Variants in EEF1D observed in about 807,000 individuals in gnomAD.
EEF1D encodes eukaryotic translation elongation factor 1 delta.
EEF1D carries 47 observed loss-of-function variants against 63.9 expected under a neutral mutation model. The ratio of observed to expected loss-of-function variants is 0.74; its 90% CI spans 0.58 to 0.94. The LOEUF (loss-of-function observed/expected upper bound fraction) is 0.94. EEF1D is among the 40% of genes least tolerant of loss of function. The pLI is 0.00. For synonymous variants in EEF1D, 412 were observed against 386.1 expected (o/e 1.07, Z -0.79); for missense variants, 907 against 899.0 (o/e 1.01, Z -0.11).
Position 143,589,844 on chromosome 8 carries a change from T to C in EEF1D, c.238A>G (p.Ser80Gly), listed in dbSNP as rs992012907. The stretch of plus-strand genomic sequence containing the variant: ...CTCTTTTTCTGCAGGGGCTTCCTGC[T>C]GTCCTGGCTCTTCCTGGGATCACGC... The part of the protein sequence containing the change: ...SRRDPRKSQD[S>G]RKPLQKKRKR... Residue 80 changes from serine to glycine, a missense_variant, in exon 3 of 10, where the codon AGC (serine) becomes GGC (glycine). By Grantham distance (56) the Ser-to-Gly change is moderately conservative. Transcript: ENST00000618139. The C allele has an allele frequency of 2.5e-6, 4 of 1,604,060 alleles. No individual in the cohort carries two copies. The African/African-American group carries it at 4.0e-5, about 16-fold the overall frequency.
Position 143,589,207 on chromosome 8 carries a change from C to G in EEF1D, c.875G>C (p.Arg292Pro). Residue 292 changes from arginine to proline, a missense_variant, in exon 3 of 10, where the codon CGA becomes CCA. Physicochemically the swap from Arg to Pro is moderately radical, Grantham distance 103 (BLOSUM62 -2). Coordinates refer to ENST00000618139, the MANE Select transcript of EEF1D (RefSeq NM_001130053.5). ...NILGNKRAGL[R>P]RADGEAPSAL... is the part of the protein sequence containing the mutation. ...AGAGGGGGCCTCCCCATCGGCCCGT[C>G]GCAGCCCGGCCCGCTTGTTCCCTAA... is the stretch of plus-strand genomic sequence containing the variant. The G allele has an allele frequency of 6.3e-7, 1 of 1,587,266 alleles. No individual in the cohort carries two copies. Among genetic ancestry groups the G allele is most frequent in the Non-Finnish European group, 8.6e-7 (1 of 1,165,508 alleles).
chr8:143,595,759 C>T (rs747801720), intron 1 of EEF1D, among the ~76,000 whole-genome samples: 38 of 152,216 alleles, frequency 2.5e-4, no homozygotes, highest in South Asian at 6.2e-4. Flanking sequence ...CCTGCCTGCC[C>T]GGCGCAGCCC....
At chr8:143,586,359 C>A in intron 4 of EEF1D, 69 bp from the exon 5 acceptor site, 2 of 1,362,068 alleles carry the variant, frequency 1.5e-6, no homozygotes, top group Admixed American at 5.3e-5. Flanking sequence ...AAAAACAAAC[C>A]AAAAAACCCC....
At position 143,586,654 on chromosome 8, in the gene EEF1D, T is replaced by C. The variant is rs1332951257; in HGVS notation, c.1215+75A>G. 4.4e-6 allele frequency: 7 copies of C among 1,573,432 alleles called. No individual in the cohort carries two copies. In the African/African-American group the frequency reaches 6.7e-5, roughly 15 times the overall value. ...GGTGCCTCTGCCTTCCTGGCCTGGC[T>C]GAATCCGCTTTGTGTGCCCCGGCCA... On this transcript the variant is annotated intron_variant, in intron 4 of 9. Coordinates refer to ENST00000618139, the MANE Select transcript of EEF1D (RefSeq NM_001130053.5).
intron 1 of EEF1D, chr8:143,596,306 C>T (rs999777549): frequency 6.6e-6 from 1 of 152,272 alleles, no homozygotes; most frequent in Non-Finnish European, 1.5e-5. Context: ...GGTCTAGGAG[C>T]CTGGCTGGGC....
At chr8:143,595,102 ACT>A (rs1397174159) in intron 1 of EEF1D, among the ~76,000 whole-genome samples, 1 of 149,092 alleles carries the variant, frequency 6.7e-6, no homozygotes, top group African/African-American at 2.5e-5. Context: ...ACGGAGCCTC[ACT>A]CTGTCACCAG....
chr8:143,579,861 C>T, intron 9 of EEF1D, 31 bp from the exon 10 acceptor site: 1 of 1,545,860 alleles, frequency 6.5e-7, no homozygotes, highest in Non-Finnish European at 8.7e-7. Context: ...ACGGTCAGGG[C>T]TGTTCCCCTA....
In EEF1D at chr8:143,586,308, A is replaced by C; in HGVS notation, c.1216-18T>G. 1 of 1,534,572 alleles carries C rather than the reference A, an allele frequency of 6.5e-7. No homozygotes were observed. Among genetic ancestry groups the C allele is most frequent in the Non-Finnish European group, 8.7e-7 (1 of 1,146,718 alleles). On this transcript the variant is annotated intron_variant, in intron 4 of 9. Transcript: ENST00000618139. ...CCGTTCTCCTGCAGACAGTGCAGAAAGAACCAGTCTTTTTTTTATTATTAA... is the reference window on the plus strand; with the variant it reads ...CCGTTCTCCTGCAGACAGTGCAGAACGAACCAGTCTTTTTTTTATTATTAA...
chr8:143,584,764 G>A (rs114307626), intron 5 of EEF1D, among the ~76,000 whole-genome samples: 1,864 of 151,868 alleles, frequency 0.012, 51 homozygotes, highest in African/African-American at 0.043. Flanking sequence ...AAATGACAGC[G>A]GGGGGGACCA....
chr8:143,589,757 C>T lies in EEF1D; in HGVS notation c.325G>A (p.Glu109Lys), dbSNP rs762445559. ...ADLALLGLSA[E>K]RVWLDKSLFD... Reference sequence around the variant, plus strand: ...AGTGACTTGTCCAGCCACACGCGTTCGGCCGAGAGGCCCAGGAGGGCCAGG... The same window carrying T: ...AGTGACTTGTCCAGCCACACGCGTTTGGCCGAGAGGCCCAGGAGGGCCAGG... Residue 109 changes from glutamate to lysine, a missense_variant, in exon 3 of 10, where the codon GAA becomes AAA. By Grantham distance (56) the Glu-to-Lys change is moderately conservative. Transcript: ENST00000618139. The T allele has an allele frequency of 5.2e-6, 8 of 1,534,830 alleles. No homozygotes were observed. Among genetic ancestry groups the T allele is most frequent in the South Asian group, 3.8e-5 (3 of 78,916 alleles).
At position 143,589,735 on chromosome 8, in the gene EEF1D, G is replaced by A. The variant is rs35331982; in HGVS notation, c.347C>T (p.Ser116Leu). 5.4e-3 allele frequency: 8,192 copies of A among 1,524,518 alleles called. 358 individuals are homozygous for A. The African/African-American group carries it at 0.1, about 19-fold the overall frequency. 94.4% of individuals were successfully genotyped at this position (1,524,518 alleles called of 1,614,324 possible). A position where few individuals can be genotyped will look rare whatever the true frequency, so the allele number is the denominator to read the frequency against. ...LSAERVWLDK[S>L]LFDQAESSYR... ...GGAGCTCTCTGCCTGGTCGAAAAGT[G>A]ACTTGTCCAGCCACACGCGTTCGGC... is the stretch of plus-strand genomic sequence containing the variant. Residue 116 changes from serine to leucine, a missense_variant, in exon 3 of 10, where the codon TCA becomes TTA. Transcript: ENST00000618139.
Position 143,589,307 on chromosome 8 carries a change from C to T in EEF1D, c.775G>A (p.Val259Met), listed in dbSNP as rs1189432996. The T allele has an allele frequency of 1.3e-6, 2 of 1,587,904 alleles. No homozygotes were observed. The highest frequency in any genetic ancestry group is 2.3e-5 in the East Asian group (1 of 43,516). ...AGGCCGGCTCGCTCTTGCAGGCGCACCTTCCCTGGGGGATGGCCGTCAAAC... is the reference window on the plus strand; with the variant it reads ...AGGCCGGCTCGCTCTTGCAGGCGCATCTTCCCTGGGGGATGGCCGTCAAAC... Reference protein sequence around the residue: ...ALFDGHPPGKVRLQERAGLAE... With the variant: ...ALFDGHPPGKMRLQERAGLAE... The change falls in exon 3 of 10, where the codon GTG becomes ATG. Residue 259 changes from valine (V) to methionine (M), a missense_variant. Transcript: ENST00000618139.
At chr8:143,580,968 G>T in intron 7 of EEF1D, 86 bp downstream of exon 7, 1 of 1,443,248 alleles carries the variant, frequency 6.9e-7, no homozygotes, top group Middle Eastern at 2.5e-4. Context: ...GCTCATCACT[G>T]CTGCTGGGGC....
intron 1 of EEF1D, among the ~76,000 whole-genome samples, chr8:143,595,229 C>T (rs1466874823): frequency 1.8e-5 from 1 of 54,196 alleles, no homozygotes; most frequent in African/African-American, 3.6e-5. Flanking sequence ...GCCACCACAC[C>T]TGGCTATTTT....
intron 1 of EEF1D, among the ~76,000 whole-genome samples, chr8:143,593,582 T>G (rs896642664): frequency 6.6e-6 from 1 of 152,118 alleles, no homozygotes; most frequent in African/African-American, 2.4e-5. Flanking sequence ...GGGAGCACCC[T>G]GCAGGGAGGA....
At chr8:143,580,801 T>TCCC in intron 7 of EEF1D, 74 bp from the exon 8 acceptor site, 1 of 1,531,134 alleles carries the variant, frequency 6.5e-7, no homozygotes, top group East Asian at 2.3e-5. Flanking sequence ...GGCCACCTCC[T>TCCC]GGCCCTCCTC....
chr8:143,590,155 A>ACCCTCCCCGTGCCCG lies in EEF1D; in HGVS notation c.1-89_1-75dup, dbSNP rs754200961. 1.7e-5 allele frequency: 23 copies of ACCCTCCCCGTGCCCG among 1,344,070 alleles called. No homozygotes were observed. In the Admixed American group the frequency reaches 2.9e-4, roughly 17 times the overall value. 83.3% of individuals were successfully genotyped at this position (1,344,070 alleles called of 1,614,324 possible). ...AGCGGGTGGCCGCAGCCCCGTGCCC[A>ACCCTCCCCGTGCCCG]CCCTCCCCGTGCCCGCCCTCCCCGT... On this transcript the variant is annotated intron_variant, in intron 2 of 9. Transcript: ENST00000618139.
chr8:143,586,945 C>G (rs1050368487), intron 3 of EEF1D, 93 bp from the exon 4 acceptor site: 4 of 1,538,870 alleles, frequency 2.6e-6, no homozygotes, highest in Non-Finnish European at 8.9e-7. Context: ...GGGGCTGACA[C>G]CCGCTTCAGA....
intron 2 of EEF1D, among the ~76,000 whole-genome samples, chr8:143,591,693 G>A (rs929670991): frequency 6.6e-6 from 1 of 152,248 alleles, no homozygotes; most frequent in African/African-American, 2.4e-5. Flanking sequence ...CCAGGGCACC[G>A]TGACTGGGAC....
Sources: allele counts gnomAD v4.1 joint callset (sites outside exome capture counted in the v4.1 genomes callset), GRCh38; gene constraint gnomAD v4.1.1; transcripts MANE v1.5; gene names NCBI Gene and HGNC (gene_info 2026-07-23, HGNC 2026-07-21).